The following CENPV variants were observed in gnomAD, a reference collection of about 807,000 sequenced individuals.
CENPV encodes the protein nuclear protein p30.
Under a neutral mutation model 26.4 loss-of-function variants are expected in CENPV, and 15 were observed. That is an observed-to-expected ratio of 0.57 (90% CI 0.38 to 0.88). The LOEUF (loss-of-function observed/expected upper bound fraction) is 0.88. Among genes scored for constraint, CENPV ranks in the 40% least tolerant of loss-of-function variants. The pLI is 0.00. For synonymous variants in CENPV, 172 were observed against 165.5 expected, an observed-to-expected ratio of 1.04 and a Z score of -0.30; for missense variants, 336 against 376.5, an observed-to-expected ratio of 0.89 and a Z score of 0.89.
chr17:16,346,892 C>G (rs1338296813), intron 3 of CENPV, among the ~76,000 whole-genome samples: 1 of 151,134 alleles, frequency 6.6e-6, no homozygotes, highest in Non-Finnish European at 1.5e-5. Flanking sequence ...ACTCTGTTAT[C>G]CAGGCTGGAG....
intron 2 of CENPV, chr17:16,349,127 T>C: frequency 1.0e-6 from 1 of 989,032 alleles, no homozygotes; most frequent in Non-Finnish European, 1.2e-6. Flanking sequence ...GTAAAACACG[T>C]CCCCAGAATT....
intron 1 of CENPV, chr17:16,350,671 C>G (rs900192997): frequency 6.6e-6 from 1 of 151,838 alleles, no homozygotes; most frequent in Non-Finnish European, 1.5e-5. Context: ...GAGCTAGGCA[C>G]GAAGGAGAGA....
At chr17:16,350,858 T>C (rs2093225785) in intron 1 of CENPV, 1 of 152,116 alleles carries the variant, frequency 6.6e-6, no homozygotes, top group South Asian at 2.1e-4. Context: ...TAATAAAGGC[T>C]CTTATATTTT....
chr17:16,347,983 T>G (rs1170945687), intron 3 of CENPV: 1 of 152,230 alleles, frequency 6.6e-6, no homozygotes, highest in Non-Finnish European at 1.5e-5. Context: ...GATGTATTTC[T>G]CAGAGTAGAA....
At chr17:16,349,246 A>G in intron 2 of CENPV, 3 of 987,570 alleles carry the variant, frequency 3.0e-6, no homozygotes, top group Non-Finnish European at 3.6e-6. Flanking sequence ...TTCTTTTCCA[A>G]TCTGGACTCT....
intron 4 of CENPV, 73 bp from the exon 5 acceptor site, chr17:16,343,014 T>C: frequency 1.3e-6 from 2 of 1,565,504 alleles, no homozygotes; most frequent in Non-Finnish European, 1.8e-6. Context: ...GGCTCCTGGA[T>C]AAGCCCCCAC....
At chr17:16,346,286 T>C (rs535701511) in intron 3 of CENPV, among the ~76,000 whole-genome samples, 1 of 152,340 alleles carries the variant, frequency 6.6e-6, no homozygotes, top group East Asian at 1.9e-4. Flanking sequence ...GGTATATAGA[T>C]ACTATAGCAC....
At chr17:16,348,841 G>A (rs944353431) in intron 2 of CENPV, 156 bp from the exon 3 acceptor site, 10 of 1,429,388 alleles carry the variant, frequency 7.0e-6, no homozygotes, top group Non-Finnish European at 8.3e-6. Context: ...GGATAGCAGT[G>A]CCTCTGGTTT....
intron 1 of CENPV, chr17:16,351,372 T>C (rs1227940892): frequency 2.6e-5 from 4 of 152,268 alleles, no homozygotes; most frequent in African/African-American, 4.8e-5. Flanking sequence ...CATTTCACTG[T>C]ACAGTCTCAG....
In CENPV at chr17:16,342,924, G is replaced by A; in HGVS notation, c.712C>T (p.Leu238=). The stretch of plus-strand genomic sequence containing the variant: ...ATACTCCGCACAGTGCCCTCATCCA[G>A]GCAGTGGGGGGCAATTCCTACGAGA... ...PGGFGIAPHC[L]DEGTVRSMVT... is the part of the protein sequence containing the mutation. The change falls in exon 5 of 5, where the codon CTG becomes TTG. Residue 238 remains leucine, a synonymous_variant. Coordinates refer to ENST00000299736, the MANE Select transcript of CENPV (RefSeq NM_181716.3). 6.2e-7 allele frequency: 1 copy of A among 1,614,140 alleles called. No homozygotes were observed.
intron 3 of CENPV, among the ~76,000 whole-genome samples, chr17:16,346,758 G>A (rs1444048818): frequency 6.6e-6 from 1 of 151,442 alleles, no homozygotes; most frequent in Non-Finnish European, 1.5e-5. Context: ...CAAAAAAAAA[G>A]TTAAGCAAGG....
intron 2 of CENPV, 120 bp from the exon 3 acceptor site, chr17:16,348,805 G>A: frequency 1.3e-6 from 2 of 1,502,720 alleles, no homozygotes; most frequent in East Asian, 2.4e-5. Flanking sequence ...GCACCATCCA[G>A]GGCCGAGGAG....
chr17:16,350,671 C>T (rs900192997), intron 1 of CENPV: 1 of 151,838 alleles, frequency 6.6e-6, no homozygotes. Flanking sequence ...GAGCTAGGCA[C>T]GAAGGAGAGA....
intron 1 of CENPV, among the ~76,000 whole-genome samples, chr17:16,352,259 A>G (rs899367270): frequency 2.0e-5 from 3 of 152,206 alleles, no homozygotes; most frequent in Non-Finnish European, 4.4e-5. Flanking sequence ...ATTTGGAGAA[A>G]AGAAGGCAGC....
At chr17:16,346,584 G>C (rs1247817980) in intron 3 of CENPV, among the ~76,000 whole-genome samples, 1 of 151,920 alleles carries the variant, frequency 6.6e-6, no homozygotes, top group Non-Finnish European at 1.5e-5. Flanking sequence ...AACCCTGTCT[G>C]TACTAAAAAT....
intron 3 of CENPV, among the ~76,000 whole-genome samples, chr17:16,347,870 T>C (rs1673351547): frequency 6.6e-6 from 1 of 152,138 alleles, no homozygotes; most frequent in Non-Finnish European, 1.5e-5. Flanking sequence ...AAAATTAAAG[T>C]TACAAATAAG....
chr17:16,343,018 C>A (rs2093189083), intron 4 of CENPV, 77 bp from the exon 5 acceptor site: 6 of 1,533,668 alleles, frequency 3.9e-6, no homozygotes, highest in Non-Finnish European at 5.4e-6. Context: ...CCTGGATAAG[C>A]CCCCACCTGC....
chr17:16,352,621 A>C (rs200428558), intron 1 of CENPV, among the ~76,000 whole-genome samples: 73 of 152,154 alleles, frequency 4.8e-4, no homozygotes, highest in East Asian at 3.5e-3. Context: ...TGCAAACACA[A>C]AAAAAAAGGG....
Position 16,353,385 on chromosome 17 carries a change from ACC to A in CENPV, c.50_51del (p.Arg17LeufsTer27), listed in dbSNP as rs1568871689. ...SAAAKLRGQKRSGASAAPAAS... is the reference protein window; with the variant it reads ...SAAAKLRGQKXSGASAAPAAS... Reference sequence around the variant, plus strand: ...GCCGCGGGGGCCGCGGAGGCCCCGGACCGCTTCTGCCCGCGCAGCTTGGCGGC... The same window carrying A: ...GCCGCGGGGGCCGCGGAGGCCCCGGAGCTTCTGCCCGCGCAGCTTGGCGGC... On this transcript the variant is annotated frameshift_variant, in exon 1 of 5. Coordinates refer to ENST00000299736, the MANE Select transcript of CENPV (RefSeq NM_181716.3). LOFTEE classifies it high-confidence loss of function. 9.0e-6 allele frequency: 11 copies of A among 1,220,790 alleles called. No homozygotes were observed. In the South Asian group the frequency reaches 1.7e-4, roughly 19 times the overall value. 75.6% of individuals were successfully genotyped at this position (1,220,790 alleles called of 1,614,324 possible).
Sources: gnomAD v4.1 joint callset for allele counts (sites outside exome capture counted in the v4.1 genomes callset) on GRCh38, gnomAD v4.1.1 for gene constraint, MANE v1.5 for transcripts, NCBI Gene and HGNC (gene_info 2026-07-23, HGNC 2026-07-21) for gene names.